Variants in OGFOD3 observed in about 807,000 individuals in gnomAD.
The protein encoded by OGFOD3 is 2-oxoglutarate and iron dependent oxygenase domain containing 3.
In OGFOD3, 35 loss-of-function variants were observed where a neutral mutation model predicts 39.8. The observed-to-expected ratio is 0.88, with a 90% CI of 0.67 to 1.17. The LOEUF (loss-of-function observed/expected upper bound fraction) is 1.17, where lower values mean the gene tolerates loss of function less well. Ranked by LOEUF, OGFOD3 falls within the 50% of genes most tolerant of loss-of-function variation. The probability of loss-of-function intolerance (pLI) is 0.00; values close to 1 mark genes in which losing one functional copy is unlikely to be tolerated. For synonymous variants in OGFOD3, 200 were observed against 192.0 expected (o/e 1.04, Z -0.34); for missense variants, 438 against 454.5 (o/e 0.96, Z 0.33).
chr17:82,400,736 A>T (rs1488010078), intron 7 of OGFOD3: 1 of 152,172 alleles, frequency 6.6e-6, no homozygotes, highest in East Asian at 1.9e-4. Flanking sequence ...TTCAAAACTA[A>T]ATTTAAAATA....
intron 2 of OGFOD3, among the ~76,000 whole-genome samples, chr17:82,412,202 G>GGGCACAGCGA (rs2052959159): frequency 6.6e-6 from 1 of 152,210 alleles, no homozygotes; most frequent in East Asian, 1.9e-4. Context: ...ACATGCCCCT[G>GGGCACAGCGA]TCTCTCCCCG....
rs2052707364 is a variant in OGFOD3 at position 82,398,199 on chromosome 17, C to T, written c.820G>A (p.Ala274Thr). Residue 274 changes from alanine to threonine, a missense_variant, in exon 8 of 9, where the codon GCT becomes ACT. By Grantham distance (58) the Ala-to-Thr change is moderately conservative. Coordinates refer to ENST00000313056, the MANE Select transcript of OGFOD3 (RefSeq NM_024648.3). ...EGANKTVEPR[A>T]GRVSFFTSGS... ...AGGCCCCGCCCGCGCCTCCTACCAG[C>T]TCTCGGCTCCACCGTCTTGTTGGCA... is the stretch of plus-strand genomic sequence containing the variant. 6.2e-7 allele frequency: 1 copy of T among 1,614,062 alleles called. No homozygotes were observed. The highest frequency in any genetic ancestry group is 8.5e-7 in the Non-Finnish European group (1 of 1,179,976).
In OGFOD3 at chr17:82,391,395, T is replaced by C. The variant is rs1284906708; in HGVS notation, c.*1003A>G. The stretch of plus-strand genomic sequence containing the variant: ...TCTCACTCTGTCACCCAGGCTGGAG[T>C]GTAGTGGCACGATCTCGGCTCACTG... On this transcript the variant is annotated 3_prime_UTR_variant, in exon 9 of 9. Coordinates refer to ENST00000313056, the MANE Select transcript of OGFOD3 (RefSeq NM_024648.3). This position sits in a 1 kb window ranked among gnomAD's most constrained non-coding sequence, Gnocchi z 5.1. 6.6e-6 allele frequency: 1 copy of C among 152,316 alleles called. No individual in the cohort carries two copies. The highest frequency in any genetic ancestry group is 2.4e-5 in the African/African-American group (1 of 41,410). 9.4% of individuals were successfully genotyped at this position (152,316 alleles called of 1,614,324 possible). A position where few individuals can be genotyped will look rare whatever the true frequency, so the allele number is the denominator to read the frequency against.
chr17:82,413,983 T>G (rs1239486621), intron 2 of OGFOD3, among the ~76,000 whole-genome samples: 1 of 152,238 alleles, frequency 6.6e-6, no homozygotes, highest in African/African-American at 2.4e-5. Flanking sequence ...CCAAGCTTTT[T>G]AAAAAGTGCG....
In OGFOD3 at chr17:82,390,972, A is replaced by G. The variant is rs1252404786; in HGVS notation, c.*1426T>C. ...ATAATGCTGCCCTTTATCAACCCCC[A>G]GAGCAGCTCCCGGGCCACAGGTGGG... On this transcript the variant is annotated 3_prime_UTR_variant, in exon 9 of 9. Transcript: ENST00000313056. This position sits in a 1 kb window ranked among gnomAD's most constrained non-coding sequence, Gnocchi z 4.9. 5.2e-6 allele frequency: 1 copy of G among 193,038 alleles called. No individual in the cohort carries two copies. 12.0% of individuals were successfully genotyped at this position (193,038 alleles called of 1,614,324 possible).
At chr17:82,398,379 T>C in intron 7 of OGFOD3, 60 bp from the exon 8 acceptor site, 1 of 1,596,528 alleles carries the variant, frequency 6.3e-7, no homozygotes, top group Non-Finnish European at 8.6e-7. Flanking sequence ...CCAGGGCAGG[T>C]GCTGCTTCTC....
In OGFOD3 at chr17:82,392,575, C is replaced by A. The variant is rs201383064; in HGVS notation, c.824-41G>T. The A allele has an allele frequency of 6.4e-7, 1 of 1,555,062 alleles. No individual in the cohort carries two copies. The highest frequency in any genetic ancestry group is 8.7e-7 in the Non-Finnish European group (1 of 1,149,368). ...AGAGAGAGGTGGCCATAGAGCCACA[C>A]CCACGGCCACAGCCTTCAGAGGGTC... On this transcript the variant is annotated intron_variant, in intron 8 of 8. Transcript: ENST00000313056. This position sits in a 1 kb window ranked among gnomAD's most constrained non-coding sequence, Gnocchi z 4.2.
At chr17:82,400,117 C>G (rs569047572) in intron 7 of OGFOD3, among the ~76,000 whole-genome samples, 63 of 152,164 alleles carry the variant, frequency 4.1e-4, no homozygotes, top group African/African-American at 1.4e-3. Context: ...GCCCAGCCCC[C>G]AGTCCGACCC....
At chr17:82,395,816 G>A (rs369950626) in intron 8 of OGFOD3, among the ~76,000 whole-genome samples, 85 of 152,036 alleles carry the variant, frequency 5.6e-4, no homozygotes, top group East Asian at 4.8e-3. Flanking sequence ...GCGAGACTCC[G>A]TCTCAAAAGA....
intron 8 of OGFOD3, chr17:82,394,673 G>T: frequency 1.6e-6 from 1 of 634,224 alleles, no homozygotes; most frequent in Non-Finnish European, 2.6e-6. Flanking sequence ...TGAGCCCTCA[G>T]AACATCCTGC....
At position 82,412,435 on chromosome 17, in the gene OGFOD3, G is replaced by GGGGCAGGGGCATGT. The variant is rs1567874796; in HGVS notation, c.305-906_305-905insACATGCCCCTGCCC. Among the ~76,000 whole-genome samples, 130 of 125,782 alleles carry GGGGCAGGGGCATGT rather than the reference G, an allele frequency of 1.0e-3. 5 individuals are homozygous for GGGGCAGGGGCATGT. The highest frequency in any genetic ancestry group is 3.8e-3 in the Middle Eastern group (1 of 264). The allele number at this position is 125,782 out of a possible 152,430, so 82.5% of individuals were successfully genotyped here. ...GCATGGTTATCGGGGCAGGGGCATG[G>GGGGCAGGGGCATGT]TTATCGGGGCAGGGGCATGGTTATC... On this transcript the variant is annotated intron_variant, in intron 2 of 8. Transcript: ENST00000313056.
In OGFOD3 at chr17:82,409,408, A is replaced by G; in HGVS notation, c.383T>C (p.Val128Ala). ...TREEAERIRS[V>A]AEKGLSLGGS... ...TCCCAGGGAGAGCCCCTTTTCAGCT[A>G]CGCTGCAGGGAGAAAATAATTCAGA... is the stretch of plus-strand genomic sequence containing the variant. Residue 128 changes from valine (V) to alanine (A), a missense_variant and splice_region_variant, in exon 4 of 9, where the codon GTA becomes GCA. Val to Ala is a moderately conservative substitution (Grantham distance 64). Transcript: ENST00000313056. The G allele has an allele frequency of 6.2e-7, 1 of 1,613,962 alleles. No individual in the cohort carries two copies. Among genetic ancestry groups the G allele is most frequent in the South Asian group, 1.1e-5 (1 of 91,076 alleles).
chr17:82,396,333 T>C lies in OGFOD3; in HGVS notation c.823+1863A>G, dbSNP rs9893902. Among the ~76,000 whole-genome samples the C allele has an allele frequency of 1.7e-3, 160 of 96,494 alleles. 5 individuals carry two copies. Among genetic ancestry groups the C allele is most frequent in the African/African-American group, 5.0e-3 (156 of 30,970 alleles). The allele number at this position is 96,494 out of a possible 152,430, so 63.3% of individuals were successfully genotyped here. On this transcript the variant is annotated intron_variant, in intron 8 of 8. Coordinates refer to ENST00000313056, the MANE Select transcript of OGFOD3 (RefSeq NM_024648.3). ...CGACATCAAATCACAGGTAAACACA[T>C]AGATACACACAATTAGATGTACGAC...
In OGFOD3 at chr17:82,415,308, C is replaced by A; in HGVS notation, c.304+90G>T. 2 of 1,305,618 alleles carry A rather than the reference C, an allele frequency of 1.5e-6. No individual in the cohort carries two copies. The highest frequency in any genetic ancestry group is 1.9e-5 in the Admixed American group (1 of 53,804). The allele number at this position is 1,305,618 out of a possible 1,614,324, so 80.9% of individuals were successfully genotyped here. ...GGTTGTCTGCTACCCCCAAGCATACCACATCCAACCCAATTCCCACCCCTT... is the reference window on the plus strand; with the variant it reads ...GGTTGTCTGCTACCCCCAAGCATACAACATCCAACCCAATTCCCACCCCTT... On this transcript the variant is annotated intron_variant, in intron 2 of 8. Transcript: ENST00000313056. This position sits in a 1 kb window ranked among gnomAD's most constrained non-coding sequence, Gnocchi z 5.3.
In OGFOD3 at chr17:82,392,250, T is replaced by A; in HGVS notation, c.*148A>T. ...CTGGTTCCCTTCATTTACTCACAGA[T>A]GAAAAGATTAACACGTCAGCAAATC... is the stretch of plus-strand genomic sequence containing the variant. On this transcript the variant is annotated 3_prime_UTR_variant, in exon 9 of 9. Transcript: ENST00000313056. The surrounding 1 kb of genome is among the most constrained non-coding windows in gnomAD (Gnocchi z 4.2). 1 of 877,014 alleles carries A rather than the reference T, an allele frequency of 1.1e-6. No homozygotes were observed. Among genetic ancestry groups the A allele is most frequent in the South Asian group, 1.8e-5 (1 of 56,346 alleles). The allele number at this position is 877,014 out of a possible 1,614,324, so 54.3% of individuals were successfully genotyped here. A position where few individuals can be genotyped will look rare whatever the true frequency, so the allele number is the denominator to read the frequency against.
chr17:82,395,649 G>A lies in OGFOD3; in HGVS notation c.823+2547C>T, dbSNP rs1222082238. On this transcript the variant is annotated intron_variant, in intron 8 of 8. Coordinates refer to ENST00000313056, the MANE Select transcript of OGFOD3 (RefSeq NM_024648.3). Reference sequence around the variant, plus strand: ...ATTCTGGCTAACACGGTGAAACCCCGTCTCTACTAAAAATACAAACAATTA... The same window carrying A: ...ATTCTGGCTAACACGGTGAAACCCCATCTCTACTAAAAATACAAACAATTA... Among the ~76,000 whole-genome samples, 14 of 151,966 alleles carry A rather than the reference G, an allele frequency of 9.2e-5. No homozygotes were observed. The East Asian group carries it at 1.7e-3, about 19-fold the overall frequency.
In OGFOD3 at chr17:82,392,757, G is replaced by A. The variant is rs1275929011; in HGVS notation, c.824-223C>T. ...CCTGTGGCGGAGGAGGGGCCCCCCG[G>A]GGCCAGCAGGGACTCTGTGGTGGGC... is the stretch of plus-strand genomic sequence containing the variant. On this transcript the variant is annotated intron_variant, in intron 8 of 8. Coordinates refer to ENST00000313056, the MANE Select transcript of OGFOD3 (RefSeq NM_024648.3). This position sits in a 1 kb window ranked among gnomAD's most constrained non-coding sequence, Gnocchi z 4.2. 1.7e-6 allele frequency: 1 copy of A among 586,082 alleles called. No individual in the cohort carries two copies. Among genetic ancestry groups the A allele is most frequent in the Non-Finnish European group, 3.0e-6 (1 of 335,192 alleles). 36.3% of individuals were successfully genotyped at this position (586,082 alleles called of 1,614,324 possible).
rs1160146442 is a variant in OGFOD3 at position 82,403,929 on chromosome 17, G to A, written c.699+8C>T. On this transcript the variant is annotated splice_region_variant and intron_variant, in intron 7 of 8. Transcript: ENST00000313056. The stretch of plus-strand genomic sequence containing the variant: ...GGGCACGCTCACCCTGCCCACGGGC[G>A]CGCTCACCTTGTCCACGTGCGCATG... 5 of 1,596,472 alleles carry A rather than the reference G, an allele frequency of 3.1e-6. No individual in the cohort carries two copies. The highest frequency in any genetic ancestry group is 1.3e-5 in the African/African-American group (1 of 74,560).
Position 82,404,204 on chromosome 17 carries a change from G to A in OGFOD3, c.546-114C>T. 1.6e-6 allele frequency: 2 copies of A among 1,233,168 alleles called. No homozygotes were observed. The highest frequency in any genetic ancestry group is 2.2e-6 in the Non-Finnish European group (2 of 914,410). 76.4% of individuals were successfully genotyped at this position (1,233,168 alleles called of 1,614,324 possible). On this transcript the variant is annotated intron_variant, in intron 6 of 8. Coordinates refer to ENST00000313056, the MANE Select transcript of OGFOD3 (RefSeq NM_024648.3). This position sits in a 1 kb window ranked among gnomAD's most constrained non-coding sequence, Gnocchi z 4.5. The stretch of plus-strand genomic sequence containing the variant: ...GCCTTCGTACGGCTCCGGGCCCGCG[G>A]GGCGGGGGCTCCCAAGCACACCGGG...
Sources: allele counts gnomAD v4.1 joint callset (sites outside exome capture counted in the v4.1 genomes callset), GRCh38; gene constraint gnomAD v4.1.1; non-coding constraint Gnocchi (gnomAD v3.1); transcripts MANE v1.5; gene names NCBI Gene and HGNC (gene_info 2026-07-23, HGNC 2026-07-21).